The following PLOD1 variants were observed in gnomAD, a reference collection of about 807,000 sequenced individuals.
The protein encoded by PLOD1 is procollagen-lysine,2-oxoglutarate 5-dioxygenase 1, also known as lysine hydroxylase.
Under a neutral mutation model 94.7 loss-of-function variants are expected in PLOD1, and 70 were observed. That is an observed-to-expected ratio of 0.74 (90% CI 0.61 to 0.90). The LOEUF (loss-of-function observed/expected upper bound fraction) is 0.90, where lower values mean the gene tolerates loss of function less well. PLOD1 is among the 40% of genes least tolerant of loss of function. The probability of loss-of-function intolerance (pLI) is 0.00; values close to 1 mark genes in which losing one functional copy is unlikely to be tolerated. For missense variants in PLOD1, 905 were observed against 972.7 expected (o/e 0.93, Z 0.93); for synonymous variants, 417 against 400.2 (o/e 1.04, Z -0.50).
chr1:11,948,092 G>C, intron 2 of PLOD1, 25 bp downstream of exon 2: 1 of 1,472,140 alleles, frequency 6.8e-7, no homozygotes, highest in Non-Finnish European at 9.5e-7. Context: ...GGGTGAGGCA[G>C]AGACAGTGAG....
intron 10 of PLOD1, among the ~76,000 whole-genome samples, chr1:11,962,558 G>T (rs1271986951): frequency 6.6e-6 from 1 of 152,070 alleles, no homozygotes; most frequent in Non-Finnish European, 1.5e-5. Context: ...TTACAGGCGT[G>T]AGCCACCACG....
At chr1:11,946,891 C>T (rs1645658781) in intron 1 of PLOD1, among the ~76,000 whole-genome samples, 2 of 152,162 alleles carry the variant, frequency 1.3e-5, no homozygotes, top group Admixed American at 6.6e-5. Context: ...CCAGTGAGGC[C>T]TCAGGAAGCT....
chr1:11,956,037 C>T (rs988908464), intron 6 of PLOD1, among the ~76,000 whole-genome samples: 1 of 150,926 alleles, frequency 6.6e-6, no homozygotes, highest in African/African-American at 2.4e-5. Flanking sequence ...GCTGGGATTA[C>T]AGGTGTGCGC....
At chr1:11,973,094 G>C in intron 18 of PLOD1, 97 bp downstream of exon 18, 1 of 1,324,798 alleles carries the variant, frequency 7.5e-7, no homozygotes, top group Non-Finnish European at 1.1e-6. Context: ...AGGGGCCCCA[G>C]GTAACCAGTG....
intron 9 of PLOD1, among the ~76,000 whole-genome samples, chr1:11,959,708 C>T (rs1160932848): frequency 4.6e-5 from 7 of 150,878 alleles, no homozygotes; most frequent in African/African-American, 7.4e-5. Flanking sequence ...ACCTCTGCCT[C>T]CCAGGTTCAA....
At chr1:11,936,238 C>T (rs141706186) in intron 1 of PLOD1, among the ~76,000 whole-genome samples, 1,531 of 152,136 alleles carry the variant, frequency 0.01, 17 homozygotes, top group Middle Eastern at 0.017. Context: ...TCCAGTCTAG[C>T]GCTCTTTCTA....
intron 1 of PLOD1, among the ~76,000 whole-genome samples, 185 bp downstream of exon 1, chr1:11,935,040 T>G (rs1182535298): frequency 6.6e-6 from 1 of 152,202 alleles, no homozygotes. Context: ...CTGCGGTTCC[T>G]GCTTCGGGAA....
Position 11,965,366 on chromosome 1 carries a change from C to A in PLOD1, c.1471-114C>A. On this transcript the variant is annotated intron_variant, in intron 13 of 18. Coordinates refer to ENST00000196061, the MANE Select transcript of PLOD1 (RefSeq NM_000302.4). The stretch of plus-strand genomic sequence containing the variant: ...ACTTGGTCTCTGATATTGGGAACTT[C>A]AGTTCGGCGGGTGGAGGAGGCTGCA... The A allele has an allele frequency of 2.8e-5, 20 of 705,848 alleles. No individual in the cohort carries two copies. In the South Asian group the frequency reaches 3.1e-4, roughly 11 times the overall value. The allele number at this position is 705,848 out of a possible 1,614,324, so 43.7% of individuals were successfully genotyped here.
Position 11,950,377 on chromosome 1 carries a change from CG to C in PLOD1, c.327del (p.Arg111GlyfsTer4), listed in dbSNP as rs886042976. ...CACAGCTATGACGTGCTGTTTGCATCGGGGCCCCGGGAGCTCCTGAAGAAGT... is the reference window on the plus strand; with the variant it reads ...CACAGCTATGACGTGCTGTTTGCATCGGGCCCCGGGAGCTCCTGAAGAAGT... Reference protein sequence around the residue: ...FADSYDVLFASGPRELLKKFR... With the variant: ...FADSYDVLFAXGPRELLKKFR... On this transcript the variant is annotated frameshift_variant, in exon 4 of 19. Transcript: ENST00000196061. LOFTEE classifies it high-confidence loss of function. 3.7e-6 allele frequency: 6 copies of C among 1,614,000 alleles called. No homozygotes were observed. Among genetic ancestry groups the C allele is most frequent in the Non-Finnish European group, 5.1e-6 (6 of 1,180,000 alleles).
chr1:11,941,556 T>C (rs992474370), intron 1 of PLOD1, among the ~76,000 whole-genome samples: 9 of 151,802 alleles, frequency 5.9e-5, no homozygotes, highest in East Asian at 1.9e-4. Flanking sequence ...TCTGGGCTCA[T>C]TGCAACCTCT....
Position 11,958,005 on chromosome 1 carries a change from A to C in PLOD1, c.843+62A>C. ...GGGGGCTCAGTCCCCTGAGATGGCG[A>C]GATGGGTGATTCTGGAATAGACTCC... is the stretch of plus-strand genomic sequence containing the variant. On this transcript the variant is annotated intron_variant, in intron 8 of 18. Coordinates refer to ENST00000196061, the MANE Select transcript of PLOD1 (RefSeq NM_000302.4). The surrounding 1 kb of genome is among the most constrained non-coding windows in gnomAD (Gnocchi z 4.3). 2 of 1,039,058 alleles carry C rather than the reference A, an allele frequency of 1.9e-6. No homozygotes were observed. Among genetic ancestry groups the C allele is most frequent in the Non-Finnish European group, 3.1e-6 (2 of 655,274 alleles). The allele number at this position is 1,039,058 out of a possible 1,614,324, so 64.4% of individuals were successfully genotyped here. A position where few individuals can be genotyped will look rare whatever the true frequency, so the allele number is the denominator to read the frequency against.
At chr1:11,967,367 G>T (rs1645826099) in intron 16 of PLOD1, among the ~76,000 whole-genome samples, 1 of 151,726 alleles carries the variant, frequency 6.6e-6, no homozygotes, top group African/African-American at 2.4e-5. Flanking sequence ...TATTGGAATG[G>T]CTTAGCTTGG....
chr1:11,956,762 AT>A lies in PLOD1; in HGVS notation c.644-151del, dbSNP rs199916799. Among the ~76,000 whole-genome samples, 600 of 152,182 alleles carry A rather than the reference AT, an allele frequency of 3.9e-3. 8 individuals carry two copies. Among genetic ancestry groups the A allele is most frequent in the East Asian group, 0.027 (139 of 5,158 alleles). On this transcript the variant is annotated intron_variant, in intron 6 of 18. Transcript: ENST00000196061. ...ACCCCATGAAGAAGGGATTATTCCT[AT>A]TTTATAGATGAGGAAACTGAGGCTT...
rs1401927720 is a variant in PLOD1, at chr1:11,967,045, T to TGCAC, written c.1710_1711insCACG (p.Glu571HisfsTer31). The TGCAC allele has an allele frequency of 1.2e-6, 2 of 1,613,940 alleles. No individual in the cohort carries two copies. The highest frequency in any genetic ancestry group is 1.7e-6 in the Non-Finnish European group (2 of 1,179,842). On this transcript the variant is annotated frameshift_variant, in exon 16 of 19. Transcript: ENST00000196061. LOFTEE classifies it high-confidence loss of function. Reference sequence around the variant, plus strand: ...ACGGAGGTGGCCTGTGATGAGCTGGTGGAGGAGATGGAGCACTTTGGCCAG... The same window carrying TGCAC: ...ACGGAGGTGGCCTGTGATGAGCTGGTGCACGGAGGAGATGGAGCACTTTGGCCAG...
At chr1:11,960,313 A>G (rs1645769031) in intron 9 of PLOD1, among the ~76,000 whole-genome samples, 1 of 152,198 alleles carries the variant, frequency 6.6e-6, no homozygotes, top group South Asian at 2.1e-4. Context: ...CACCTGGCAC[A>G]TTTTGTAACA....
chr1:11,973,112 AC>A, intron 18 of PLOD1, 115 bp downstream of exon 18: 1 of 1,131,710 alleles, frequency 8.8e-7, no homozygotes, highest in Non-Finnish European at 1.3e-6. Flanking sequence ...GTGCCAGAGA[AC>A]CAGAAAAAAA....
chr1:11,959,546 G>A (rs1310249486), intron 9 of PLOD1, among the ~76,000 whole-genome samples: 3 of 149,022 alleles, frequency 2.0e-5, no homozygotes, highest in Non-Finnish European at 4.4e-5. Context: ...GGGTTCAAGC[G>A]ATTCTCCTGC....
chr1:11,938,971 A>C (rs542163828), intron 1 of PLOD1, among the ~76,000 whole-genome samples: 1 of 152,196 alleles, frequency 6.6e-6, no homozygotes, highest in Admixed American at 6.5e-5. Context: ...TGGGAGAATA[A>C]AAGGCAACAT....
Position 11,963,298 on chromosome 1 carries a change from C to G in PLOD1, c.1098-234C>G, listed in dbSNP as rs1470582663. 6.6e-6 allele frequency among the ~76,000 whole-genome samples: 1 copy of G among 152,200 alleles called. No homozygotes were observed. Among genetic ancestry groups the G allele is most frequent in the Non-Finnish European group, 1.5e-5 (1 of 68,042 alleles). ...CCTGTGGGCTGTGTTCTTCCCAGTA[C>G]CAGGATTTTCAGGGCACTTGATACC... is the stretch of plus-strand genomic sequence containing the variant. On this transcript the variant is annotated intron_variant, in intron 10 of 18. Coordinates refer to ENST00000196061, the MANE Select transcript of PLOD1 (RefSeq NM_000302.4). The surrounding 1 kb of genome is among the most constrained non-coding windows in gnomAD (Gnocchi z 4.3).
Sources: allele counts gnomAD v4.1 joint callset (sites outside exome capture counted in the v4.1 genomes callset), GRCh38; gene constraint gnomAD v4.1.1; non-coding constraint Gnocchi (gnomAD v3.1); transcripts MANE v1.5; gene names NCBI Gene and HGNC (gene_info 2026-07-23, HGNC 2026-07-21).